SETBP1: variants seen among roughly 807,000 people sequenced by gnomAD.
SETBP1 encodes the protein SET binding protein 1, also known as SET-binding protein.
SETBP1 carries 9 observed loss-of-function variants against 101.0 expected under a neutral mutation model. The ratio of observed to expected loss-of-function variants is 0.09; its 90% CI spans 0.05 to 0.16. The LOEUF (loss-of-function observed/expected upper bound fraction) is 0.16. SETBP1 is among the 10% of genes least tolerant of loss of function. The pLI, the probability that SETBP1 is intolerant of heterozygous loss-of-function variation, is 1.00. For synonymous variants in SETBP1, 818 were observed against 788.5 expected (o/e 1.04, Z -0.63); for missense variants, 1,858 against 2,033.8 (o/e 0.91, Z 1.66).
At chr18:44,710,386 G>A (rs552059863) in intron 2 of SETBP1, among the ~76,000 whole-genome samples, 1 of 151,050 alleles carries the variant, frequency 6.6e-6, no homozygotes, top group African/African-American at 2.4e-5. Flanking sequence ...CTTGGTTCAG[G>A]TTCCTGATAA....
intron 3 of SETBP1, among the ~76,000 whole-genome samples, chr18:44,936,641 G>A (rs571712787): frequency 1.8e-4 from 28 of 152,288 alleles, no homozygotes; most frequent in Non-Finnish European, 3.1e-4. Flanking sequence ...CTAGGGGCAC[G>A]TTTGCTCTCA....
intron 2 of SETBP1, among the ~76,000 whole-genome samples, chr18:44,743,860 G>A (rs2070156285): frequency 6.6e-6 from 1 of 152,174 alleles, no homozygotes; most frequent in Non-Finnish European, 1.5e-5. Flanking sequence ...CAGGATCTCG[G>A]AGAAGTGAGT....
intron 3 of SETBP1, among the ~76,000 whole-genome samples, chr18:44,941,000 T>C (rs1012588232): frequency 1.3e-5 from 2 of 152,068 alleles, no homozygotes; most frequent in African/African-American, 4.8e-5. Flanking sequence ...AATTTGACTG[T>C]TTTGTTTTCA....
At chr18:44,770,661 G>T (rs933033946) in intron 2 of SETBP1, among the ~76,000 whole-genome samples, 2 of 152,154 alleles carry the variant, frequency 1.3e-5, no homozygotes, top group African/African-American at 4.8e-5. Flanking sequence ...GCCCACAAAA[G>T]ATTTAGCGCC....
chr18:44,941,819 T>A lies in SETBP1; in HGVS notation c.541-8062T>A, dbSNP rs895276705. 3.9e-5 allele frequency among the ~76,000 whole-genome samples: 6 copies of A among 152,236 alleles called. No homozygotes were observed. In the South Asian group the frequency reaches 1.0e-3, roughly 26 times the overall value. ...CAGATTTAGAATTTTCATTTTATTA[T>A]TTTAGTGTAGTCGTTGCGATCCTGA... is the stretch of plus-strand genomic sequence containing the variant. On this transcript the variant is annotated intron_variant, in intron 3 of 5. Transcript: ENST00000649279.
intron 2 of SETBP1, among the ~76,000 whole-genome samples, chr18:44,864,222 G>T (rs1426686188): frequency 6.6e-6 from 1 of 152,148 alleles, no homozygotes; most frequent in African/African-American, 2.4e-5. Flanking sequence ...GCTCACAGAG[G>T]TCACAAGGGA....
intron 3 of SETBP1, among the ~76,000 whole-genome samples, chr18:44,924,512 A>C (rs2070654260): frequency 6.6e-6 from 1 of 152,218 alleles, no homozygotes; most frequent in South Asian, 2.1e-4. Context: ...CATATTAGCC[A>C]CTTTATTATT....
At chr18:45,044,282 T>C (rs1201809741) in intron 5 of SETBP1, among the ~76,000 whole-genome samples, 1 of 152,144 alleles carries the variant, frequency 6.6e-6, no homozygotes, top group Admixed American at 6.5e-5. Flanking sequence ...CCAAAGAAGA[T>C]CCAGAGCAAA....
chr18:44,788,007 T>C (rs956049426), intron 2 of SETBP1, among the ~76,000 whole-genome samples: 1 of 151,550 alleles, frequency 6.6e-6, no homozygotes, highest in African/African-American at 2.4e-5. Flanking sequence ...TTGGAGTTTT[T>C]TTTTTTTCTT....
intron 2 of SETBP1, among the ~76,000 whole-genome samples, chr18:44,815,388 G>A (rs1288398443): frequency 6.6e-6 from 1 of 152,218 alleles, no homozygotes; most frequent in African/African-American, 2.4e-5. Context: ...GAGGCTGTAC[G>A]GGGCAGCCCG....
At chr18:44,819,257 A>G (rs973264461) in intron 2 of SETBP1, among the ~76,000 whole-genome samples, 1 of 152,172 alleles carries the variant, frequency 6.6e-6, no homozygotes, top group Non-Finnish European at 1.5e-5. Flanking sequence ...TTTGAGCAGT[A>G]GTACCAGACA....
At chr18:44,872,721 C>A (rs2069306535) in intron 3 of SETBP1, among the ~76,000 whole-genome samples, 1 of 152,266 alleles carries the variant, frequency 6.6e-6, no homozygotes, top group Admixed American at 6.5e-5. Flanking sequence ...AGTAAAGTGC[C>A]TGTGGGTGAT....
chr18:44,846,873 T>A (rs2072734828), intron 2 of SETBP1, among the ~76,000 whole-genome samples: 1 of 152,236 alleles, frequency 6.6e-6, no homozygotes, highest in Non-Finnish European at 1.5e-5. Flanking sequence ...ATATATTGAA[T>A]GAGTCTCAAG....
intron 1 of SETBP1, among the ~76,000 whole-genome samples, chr18:44,691,281 A>C (rs903941139): frequency 4.6e-5 from 7 of 152,188 alleles, no homozygotes; most frequent in African/African-American, 1.7e-4. Flanking sequence ...CTTCTGCATC[A>C]CAGTGCTGTT....
In SETBP1 at chr18:44,864,870, G is replaced by A. The variant is rs561740295; in HGVS notation, c.487-4360G>A. Among the ~76,000 whole-genome samples the A allele has an allele frequency of 5.9e-5, 9 of 152,052 alleles. No individual in the cohort carries two copies. The East Asian group carries it at 1.6e-3, about 26-fold the overall frequency. ...TCCCCCTCAACCCTAGACACAACAA[G>A]GCTACCATGAGCAGTGAACTGTTTC... On this transcript the variant is annotated intron_variant, in intron 2 of 5. Transcript: ENST00000649279.
chr18:44,887,256 A>G (rs549448156), intron 3 of SETBP1, among the ~76,000 whole-genome samples: 1 of 152,286 alleles, frequency 6.6e-6, no homozygotes, highest in Non-Finnish European at 1.5e-5. Flanking sequence ...CTCATTGCTC[A>G]TGCAGCATCT....
At chr18:44,797,416 G>A (rs1346172573) in intron 2 of SETBP1, among the ~76,000 whole-genome samples, 2 of 152,152 alleles carry the variant, frequency 1.3e-5, no homozygotes, top group Non-Finnish European at 2.9e-5. Flanking sequence ...ATCAATGAAT[G>A]TCATGTATTT....
intron 2 of SETBP1, among the ~76,000 whole-genome samples, chr18:44,735,594 G>C (rs2144426401): frequency 6.6e-6 from 1 of 152,292 alleles, no homozygotes; most frequent in South Asian, 2.1e-4. Context: ...GGCTTAGGCG[G>C]GGGTACCTAT....
At chr18:44,858,387 C>T (rs142885707) in intron 2 of SETBP1, among the ~76,000 whole-genome samples, 437 of 152,306 alleles carry the variant, frequency 2.9e-3, no homozygotes, top group Admixed American at 7.9e-3. Context: ...ATTGATTGCA[C>T]AGTTTTCAAA....
Sources: allele counts gnomAD v4.1 joint callset (sites outside exome capture counted in the v4.1 genomes callset), GRCh38; gene constraint gnomAD v4.1.1; transcripts MANE v1.5; gene names NCBI Gene and HGNC (gene_info 2026-07-23, HGNC 2026-07-21).